KLRG1: variants seen among roughly 807,000 people sequenced by gnomAD.
KLRG1 encodes the protein killer cell lectin like receptor G1.
In KLRG1, 16 loss-of-function variants were observed where a neutral mutation model predicts 21.8. That is an observed-to-expected ratio of 0.73 (90% confidence interval 0.50 to 1.11). The LOEUF (loss-of-function observed/expected upper bound fraction) is 1.11. KLRG1 is among the 50% of genes most tolerant of loss of function. The pLI is 0.00. For synonymous variants in KLRG1, 69 were observed against 75.9 expected, an observed-to-expected ratio of 0.91 and a Z score of 0.47; for missense variants, 173 against 218.3, an observed-to-expected ratio of 0.79 and a Z score of 1.31.
the KLRG1 span, among the ~76,000 whole-genome samples, chr12:9,149,876 C>G: frequency 7.9e-5 from 12 of 152,274 alleles, no homozygotes; most frequent in Non-Finnish European, 1.3e-4. Flanking sequence ...CTGTAGTTCT[C>G]TCTTCCATGA....
the KLRG1 span, among the ~76,000 whole-genome samples, chr12:9,034,959 C>T: frequency 6.6e-6 from 1 of 152,064 alleles, no homozygotes; most frequent in Non-Finnish European, 1.5e-5. Flanking sequence ...ATTGATGATC[C>T]TGACCCTGTG....
At chr12:9,177,261 G>T in the KLRG1 span, among the ~76,000 whole-genome samples, 2 of 152,208 alleles carry the variant, frequency 1.3e-5, no homozygotes, top group East Asian at 3.9e-4. Context: ...ATGCTCTGGA[G>T]AAAATCAGTT....
chr12:9,074,487 T>C, the KLRG1 span: 1 of 1,383,300 alleles, frequency 7.2e-7, no homozygotes. Flanking sequence ...TCTTCTTGGA[T>C]GTGTTTGTTT....
the KLRG1 span, among the ~76,000 whole-genome samples, chr12:9,124,487 C>A: frequency 6.6e-6 from 1 of 152,186 alleles, no homozygotes; most frequent in Admixed American, 6.5e-5. Context: ...GGCTGCAGCA[C>A]CCCGACCAGT....
the KLRG1 span, chr12:9,095,132 T>C: frequency 1.0e-6 from 1 of 973,510 alleles, no homozygotes; most frequent in Non-Finnish European, 1.5e-6. Flanking sequence ...TTATAAAATA[T>C]ACATAGGTAG....
the KLRG1 span, among the ~76,000 whole-genome samples, chr12:9,108,207 C>T: frequency 6.6e-6 from 1 of 152,086 alleles, no homozygotes; most frequent in Non-Finnish European, 1.5e-5. Context: ...CTCACTGCAA[C>T]CTCCACCTCC....
chr12:9,161,195 C>G, the KLRG1 span: 1 of 1,211,076 alleles, frequency 8.3e-7, no homozygotes, highest in Non-Finnish European at 1.2e-6. Flanking sequence ...GTAGTGAGAG[C>G]TTCAGAGCCA....
the KLRG1 span, among the ~76,000 whole-genome samples, chr12:9,193,231 T>C: frequency 3.9e-5 from 6 of 152,220 alleles, no homozygotes; most frequent in African/African-American, 1.4e-4. Flanking sequence ...TTTCTGAAAC[T>C]TTAAGCCTTG....
chr12:9,121,709 C>T, the KLRG1 span, among the ~76,000 whole-genome samples: 1 of 152,150 alleles, frequency 6.6e-6, no homozygotes, highest in Admixed American at 6.5e-5. The surrounding 1 kb of genome is among the most constrained non-coding windows in gnomAD (Gnocchi z 4.4). Context: ...TGGACTAAAA[C>T]AATTTACTAC....
the KLRG1 span, chr12:9,072,467 A>C: frequency 6.2e-7 from 1 of 1,612,210 alleles, no homozygotes; most frequent in African/African-American, 1.3e-5. Flanking sequence ...TTCTGGGAGA[A>C]TATTGTATTT....
At chr12:9,093,465 T>C in the KLRG1 span, 9 of 1,612,206 alleles carry the variant, frequency 5.6e-6, no homozygotes, top group Non-Finnish European at 7.6e-6. Context: ...AGTTACTTAC[T>C]TTACCACCAC....
the KLRG1 span, among the ~76,000 whole-genome samples, chr12:9,088,458 T>G: frequency 6.6e-6 from 1 of 152,056 alleles, no homozygotes; most frequent in African/African-American, 2.4e-5. Flanking sequence ...AATGTAGAAA[T>G]AAGGCTAAAT....
intron 1 of KLRG1, among the ~76,000 whole-genome samples, chr12:8,972,780 C>A (rs11048353): frequency 0.34 from 51,116 of 151,904 alleles, 8,934 homozygotes; most frequent in Admixed American, 0.4. Context: ...CTCAAGATTA[C>A]TTTGGCTATT....
the KLRG1 span, chr12:9,110,180 T>C: frequency 9.0e-7 from 1 of 1,116,286 alleles, no homozygotes; most frequent in Non-Finnish European, 1.3e-6. Flanking sequence ...GTTATAGCCA[T>C]CTAGCTCTAT....
At chr12:9,109,421 A>G in the KLRG1 span, 1 of 1,600,980 alleles carries the variant, frequency 6.2e-7, no homozygotes, top group South Asian at 1.1e-5. Flanking sequence ...GATTGGTGAT[A>G]AAGAAGGTTG....
chr12:9,076,506 C>G, the KLRG1 span, among the ~76,000 whole-genome samples: 308 of 152,306 alleles, frequency 2.0e-3, 1 homozygote, highest in African/African-American at 7.2e-3. Context: ...ATTTTTTAGA[C>G]TTTACAATGA....
chr12:9,015,045 A>G (rs764859581), downstream of KLRG1, among the ~76,000 whole-genome samples: 41 of 152,316 alleles, frequency 2.7e-4, no homozygotes, highest in South Asian at 2.1e-3. Flanking sequence ...AAATTAAAAC[A>G]TACCGCCAGA....
chr12:9,208,585 T>A, the KLRG1 span, among the ~76,000 whole-genome samples: 4 of 152,156 alleles, frequency 2.6e-5, no homozygotes, highest in Non-Finnish European at 5.9e-5. Context: ...ATAAAATTTG[T>A]ATTCCATTTA....
the KLRG1 span, among the ~76,000 whole-genome samples, chr12:9,117,821 C>T: frequency 4.6e-5 from 7 of 151,976 alleles, no homozygotes; most frequent in Admixed American, 4.6e-4. Flanking sequence ...TTTATTTAAT[C>T]CAATATATCC....
Sources: allele counts gnomAD v4.1 joint callset (sites outside exome capture counted in the v4.1 genomes callset), GRCh38; gene constraint gnomAD v4.1.1; non-coding constraint Gnocchi (gnomAD v3.1); transcripts MANE v1.5; gene names NCBI Gene and HGNC (gene_info 2026-07-23, HGNC 2026-07-21).